The following PRRG1 variants were observed in gnomAD, a reference collection of about 807,000 sequenced individuals.
PRRG1 encodes proline rich and Gla domain 1.
A neutral mutation model predicts 11.8 loss-of-function variants in PRRG1; 5 were observed. That is an observed-to-expected ratio of 0.42 (90% CI 0.22 to 0.89). The LOEUF (loss-of-function observed/expected upper bound fraction) is 0.89, where lower values mean the gene tolerates loss of function less well. PRRG1 is among the 40% of genes least tolerant of loss of function. The pLI is 0.28. For missense variants in PRRG1, 155 were observed against 166.1 expected (o/e 0.93, Z 0.37); for synonymous variants, 66 against 60.4 (o/e 1.09, Z -0.43).
intron 3 of PRRG1, among the ~76,000 whole-genome samples, chrX:37,446,707 G>A (rs1312375726): frequency 1.8e-5 from 2 of 111,478 alleles, no homozygotes; most frequent in Non-Finnish European, 3.8e-5. Context: ...CTGCAGGCTG[G>A]GAAGTTCAAG....
chrX:37,388,313 G>A (rs1048036171), intron 1 of PRRG1, among the ~76,000 whole-genome samples: 1 of 112,793 alleles, frequency 8.9e-6, no homozygotes, highest in African/African-American at 3.2e-5. Flanking sequence ...TGCCCCAGTG[G>A]TGACGTGTGT....
rs1921287519 is a variant in PRRG1, at chrX:37,454,732, T to C, written c.*1111T>C. 1 of 111,972 alleles carries C rather than the reference T, an allele frequency of 8.9e-6. No individual in the cohort carries two copies. Among genetic ancestry groups the C allele is most frequent in the Non-Finnish European group, 1.9e-5 (1 of 53,253 alleles). The allele number at this position is 111,972 out of a possible 1,213,427, so 9.2% of individuals were successfully genotyped here. ...ATTGCAAAGTCCATGTTATGCTAGG[T>C]GCACAATAAATCTAGTAATAGCCCC... On this transcript the variant is annotated 3_prime_UTR_variant, in exon 4 of 4. Transcript: ENST00000378628.
intron 1 of PRRG1, among the ~76,000 whole-genome samples, chrX:37,397,968 A>C (rs1931774518): frequency 1.2e-5 from 1 of 85,635 alleles, no homozygotes; most frequent in East Asian, 3.8e-4. Flanking sequence ...TTACAGAAGT[A>C]TAAAAACTAA....
intron 2 of PRRG1, among the ~76,000 whole-genome samples, chrX:37,411,477 T>C (rs1556383880): frequency 8.9e-6 from 1 of 112,517 alleles, no homozygotes; most frequent in East Asian, 2.8e-4. Context: ...GTAAGTATTA[T>C]CTTTACCTAC....
chrX:37,383,890 G>A (rs1225270058), intron 1 of PRRG1, among the ~76,000 whole-genome samples: 3 of 110,696 alleles, frequency 2.7e-5, no homozygotes, highest in Non-Finnish European at 5.7e-5. Context: ...TGTCCATTAT[G>A]CATTGATCTT....
intron 1 of PRRG1, among the ~76,000 whole-genome samples, chrX:37,402,529 C>T (rs1304647945): frequency 9.0e-6 from 1 of 111,297 alleles, no homozygotes; most frequent in Non-Finnish European, 1.9e-5. Context: ...CCATAAAAAC[C>T]CTAGAAGAAA....
At chrX:37,379,323 T>G (rs1931081109) in intron 1 of PRRG1, among the ~76,000 whole-genome samples, 1 of 110,135 alleles carries the variant, frequency 9.1e-6, no homozygotes, top group African/African-American at 3.3e-5. Flanking sequence ...TTCATCTGTC[T>G]ATTCCTGGTA....
At chrX:37,356,218 G>C (rs1228763449) in intron 1 of PRRG1, among the ~76,000 whole-genome samples, 1 of 111,903 alleles carries the variant, frequency 8.9e-6, no homozygotes, top group Non-Finnish European at 1.9e-5. Flanking sequence ...ACATGGTGCT[G>C]CATTCTTTGG....
At chrX:37,409,660 G>A (rs190363005) in intron 2 of PRRG1, among the ~76,000 whole-genome samples, 12 of 112,042 alleles carry the variant, frequency 1.1e-4, no homozygotes, top group Admixed American at 6.6e-4. Flanking sequence ...GTTAATTGCT[G>A]ACACTGTTAT....
chrX:37,427,799 A>G (rs782183269), intron 3 of PRRG1, among the ~76,000 whole-genome samples: 1 of 111,820 alleles, frequency 8.9e-6, no homozygotes, highest in South Asian at 3.7e-4. Context: ...TCCTTCTTTT[A>G]TAAGGCTGAA....
At chrX:37,425,356 T>A (rs1932759965) in intron 2 of PRRG1, among the ~76,000 whole-genome samples, 1 of 110,504 alleles carries the variant, frequency 9.0e-6, no homozygotes, top group Admixed American at 9.7e-5. Flanking sequence ...CTTCTCACAA[T>A]TTTTTTTTAC....
At chrX:37,436,219 A>G (rs1932883343) in intron 3 of PRRG1, among the ~76,000 whole-genome samples, 1 of 111,461 alleles carries the variant, frequency 9.0e-6, no homozygotes, top group Non-Finnish European at 1.9e-5. Context: ...GCATCATCCC[A>G]AGTCTTTATC....
At chrX:37,440,603 A>C (rs1027716141) in intron 3 of PRRG1, among the ~76,000 whole-genome samples, 1 of 112,333 alleles carries the variant, frequency 8.9e-6, no homozygotes, top group East Asian at 2.8e-4. Context: ...AATGCTACAG[A>C]GATTCATTTT....
At chrX:37,366,346 A>G (rs1304942424) in intron 1 of PRRG1, among the ~76,000 whole-genome samples, 1 of 112,016 alleles carries the variant, frequency 8.9e-6, no homozygotes, top group Non-Finnish European at 1.9e-5. Flanking sequence ...TGAATGCAGA[A>G]CTTTTCACCT....
chrX:37,425,125 A>G (rs1271639080), intron 2 of PRRG1, among the ~76,000 whole-genome samples: 1 of 110,976 alleles, frequency 9.0e-6, no homozygotes, highest in Non-Finnish European at 1.9e-5. Context: ...TTTATATTTT[A>G]TTATTATTAA....
At chrX:37,364,643 TTGTTTTATGGATTCCTTTTCG>T in intron 1 of PRRG1, among the ~76,000 whole-genome samples, 1 of 112,021 alleles carries the variant, frequency 8.9e-6, no homozygotes, top group East Asian at 2.8e-4. Context: ...AGGCCACAAA[TTGTTTTATGGATTCCTTTTCG>T]TGTTACTTCC....
At chrX:37,362,803 G>A (rs966695587) in intron 1 of PRRG1, among the ~76,000 whole-genome samples, 3 of 111,111 alleles carry the variant, frequency 2.7e-5, no homozygotes, top group Non-Finnish European at 5.7e-5. Context: ...AACTGGGGCT[G>A]TCAAGAGGAA....
Position 37,406,240 on chromosome X carries a change from A to G in PRRG1, c.-10A>G. On this transcript the variant is annotated 5_prime_UTR_variant, in exon 2 of 4. Transcript: ENST00000378628. ...ATCATCCAGGGACGTGCCAGAAACC[A>G]CAAGAAAACATGGGGAGGGGTAAGT... The G allele has an allele frequency of 8.3e-7, 1 of 1,209,670 alleles. No individual in the cohort carries two copies. Among genetic ancestry groups the G allele is most frequent in the Non-Finnish European group, 1.1e-6 (1 of 893,864 alleles).
chrX:37,438,957 C>T (rs1556392774), intron 3 of PRRG1, among the ~76,000 whole-genome samples: 1 of 111,465 alleles, frequency 9.0e-6, no homozygotes, highest in African/African-American at 3.3e-5. Flanking sequence ...GGGTACAGTC[C>T]CCTCTAGGGC....
Sources: gnomAD v4.1 joint callset for allele counts (sites outside exome capture counted in the v4.1 genomes callset) on GRCh38, gnomAD v4.1.1 for gene constraint, MANE v1.5 for transcripts, NCBI Gene and HGNC (gene_info 2026-07-23, HGNC 2026-07-21) for gene names.